RBFOX1: variants seen among roughly 807,000 people sequenced by gnomAD.
RBFOX1 encodes RNA binding fox-1 homolog 1.
Under a neutral mutation model 57.7 loss-of-function variants are expected in RBFOX1, and 8 were observed. The observed-to-expected ratio is 0.14, with a 90% CI of 0.08 to 0.25. The LOEUF (loss-of-function observed/expected upper bound fraction) is 0.25. Among genes scored for constraint, RBFOX1 ranks in the 10% least tolerant of loss-of-function variants. The pLI is 1.00. For missense variants in RBFOX1, 611 were observed against 548.5 expected (o/e 1.11, Z -1.14); for synonymous variants, 326 against 222.4 (o/e 1.47, Z -4.15).
intron 4 of RBFOX1, among the ~76,000 whole-genome samples, chr16:7,246,472 G>C (rs1603443505): frequency 6.6e-6 from 1 of 152,044 alleles, no homozygotes; most frequent in South Asian, 2.1e-4. Context: ...TCGTTGTTTT[G>C]CTTTCAGGCT....
chr16:7,453,543 A>G (rs951912610), intron 4 of RBFOX1, among the ~76,000 whole-genome samples: 1 of 152,204 alleles, frequency 6.6e-6, no homozygotes, highest in Admixed American at 6.5e-5. Flanking sequence ...TTGTGTTCAT[A>G]GTGTATGACA....
rs552967966 is a variant in RBFOX1 at position 7,711,785 on chromosome 16, T to C, written c.*1040T>C. ...GACGTATAATTTTTATGGAATTACATGATAATCATATTCGGATTTATAGAA... is the reference window on the plus strand; with the variant it reads ...GACGTATAATTTTTATGGAATTACACGATAATCATATTCGGATTTATAGAA... On this transcript the variant is annotated 3_prime_UTR_variant, in exon 16 of 16. Coordinates refer to ENST00000550418, the MANE Select transcript of RBFOX1 (RefSeq NM_018723.4). 1 of 152,728 alleles carries C rather than the reference T, an allele frequency of 6.5e-6. No individual in the cohort carries two copies. Among genetic ancestry groups the C allele is most frequent in the South Asian group, 2.1e-4 (1 of 4,826 alleles). The allele number at this position is 152,728 out of a possible 1,614,324, so 9.5% of individuals were successfully genotyped here. A position where few individuals can be genotyped will look rare whatever the true frequency, so the allele number is the denominator to read the frequency against.
chr16:7,277,809 G>A (rs1011192309), intron 4 of RBFOX1, among the ~76,000 whole-genome samples: 6 of 152,110 alleles, frequency 3.9e-5, no homozygotes, highest in African/African-American at 1.2e-4. Context: ...AATGAAATTA[G>A]CATATTAGTT....
At chr16:6,344,398 C>CTTT (rs1176288797) in intron 2 of RBFOX1, among the ~76,000 whole-genome samples, 128 of 71,938 alleles carry the variant, frequency 1.8e-3, no homozygotes, top group African/African-American at 0.013. Context: ...CTTCTTTTTT[C>CTTT]TTTTTTTTCT....
chr16:7,137,906 G>A (rs960299187), intron 4 of RBFOX1, among the ~76,000 whole-genome samples: 5 of 152,124 alleles, frequency 3.3e-5, no homozygotes, highest in Admixed American at 2.6e-4. Flanking sequence ...TAACTTTTTA[G>A]CTTGATGTAC....
chr16:6,936,978 A>T (rs1185717923), intron 3 of RBFOX1, among the ~76,000 whole-genome samples: 1 of 150,474 alleles, frequency 6.6e-6, no homozygotes, highest in Non-Finnish European at 1.5e-5. Flanking sequence ...GCATTGGGAG[A>T]TATACCTAAT....
chr16:6,788,453 T>G (rs770451754), intron 3 of RBFOX1, among the ~76,000 whole-genome samples: 1 of 151,640 alleles, frequency 6.6e-6, no homozygotes, highest in Admixed American at 6.6e-5. Context: ...TGATTTTTTT[T>G]TTATTATTAT....
chr16:7,510,096 C>T, intron 4 of RBFOX1: 1 of 978,590 alleles, frequency 1.0e-6, no homozygotes, highest in African/African-American at 1.8e-5. Flanking sequence ...GAAAAAGTGC[C>T]ATCTGGGTTG....
intron 1 of RBFOX1, among the ~76,000 whole-genome samples, chr16:6,193,433 A>G (rs1337762617): frequency 3.3e-5 from 3 of 91,698 alleles, no homozygotes; most frequent in African/African-American, 1.1e-4. Flanking sequence ...TATAAAATTC[A>G]GTGAGAAGGT....
In RBFOX1 at chr16:5,954,309, A is replaced by G. The variant is rs541664030; in HGVS notation, c.351+86974A>G. On this transcript the variant is annotated intron_variant, in intron 4 of 19. Coordinates refer to the RBFOX1 transcript ENST00000641259. ...GAGATGGACAGGCCCTCAGGTGAGC[A>G]TCCTCCTGTCTAACTCAGGCCGGGT... Among the ~76,000 whole-genome samples the G allele has an allele frequency of 1.0e-3, 156 of 152,154 alleles. 1 individual carries two copies. The highest frequency in any genetic ancestry group is 3.6e-3 in the African/African-American group (149 of 41,554).
intron 4 of RBFOX1, among the ~76,000 whole-genome samples, chr16:5,921,142 C>T (rs146942940): frequency 6.6e-6 from 1 of 152,288 alleles, no homozygotes; most frequent in Non-Finnish European, 1.5e-5. Flanking sequence ...ATGCTAGGCA[C>T]CCCAGAGAAT....
At chr16:7,084,399 C>T (rs1369973228) in intron 4 of RBFOX1, among the ~76,000 whole-genome samples, 1 of 152,104 alleles carries the variant, frequency 6.6e-6, no homozygotes, top group Non-Finnish European at 1.5e-5. Flanking sequence ...AATAATCTTG[C>T]TATGTACACC....
intron 4 of RBFOX1, among the ~76,000 whole-genome samples, chr16:7,308,231 A>G (rs1246240270): frequency 6.6e-6 from 1 of 152,006 alleles, no homozygotes; most frequent in East Asian, 1.9e-4. Flanking sequence ...TGGTGAGGCA[A>G]CAGACAGGAT....
At chr16:7,118,446 G>T (rs917293563) in intron 4 of RBFOX1, among the ~76,000 whole-genome samples, 1 of 152,056 alleles carries the variant, frequency 6.6e-6, no homozygotes, top group Admixed American at 6.6e-5. Flanking sequence ...AAGGAGGAGG[G>T]TAAAGGATGG....
chr16:6,963,235 C>T (rs1455391904), intron 3 of RBFOX1, among the ~76,000 whole-genome samples: 2 of 152,042 alleles, frequency 1.3e-5, no homozygotes, highest in African/African-American at 2.4e-5. Flanking sequence ...GCATCAAAAG[C>T]AGCATTTGTG....
At chr16:6,757,313 A>G (rs1055702348) in intron 3 of RBFOX1, among the ~76,000 whole-genome samples, 1 of 152,208 alleles carries the variant, frequency 6.6e-6, no homozygotes, top group African/African-American at 2.4e-5. Flanking sequence ...ACCCAGAGGA[A>G]AGAAAATCAA....
intron 4 of RBFOX1, among the ~76,000 whole-genome samples, chr16:7,226,310 A>T (rs1046602765): frequency 6.6e-6 from 1 of 152,188 alleles, no homozygotes; most frequent in African/African-American, 2.4e-5. Flanking sequence ...GTTCTCTGAA[A>T]CTGGAGAAGA....
chr16:6,662,300 CTG>C (rs944624421), intron 3 of RBFOX1, among the ~76,000 whole-genome samples: 1 of 152,050 alleles, frequency 6.6e-6, no homozygotes, highest in African/African-American at 2.4e-5. Flanking sequence ...ACACACAAGT[CTG>C]TGAGATGATG....
At chr16:7,180,252 A>G (rs1333395931) in intron 4 of RBFOX1, among the ~76,000 whole-genome samples, 3 of 152,166 alleles carry the variant, frequency 2.0e-5, no homozygotes, top group African/African-American at 4.8e-5. Context: ...CGTTTTACAT[A>G]TATTAACTCT....
Sources: allele counts gnomAD v4.1 joint callset (sites outside exome capture counted in the v4.1 genomes callset), GRCh38; gene constraint gnomAD v4.1.1; transcripts MANE v1.5; gene names NCBI Gene and HGNC (gene_info 2026-07-23, HGNC 2026-07-21).